GCNT1: variants seen among roughly 807,000 people sequenced by gnomAD.
The protein encoded by GCNT1 is beta-1,3-galactosyl-O-glycosyl-glycoprotein beta-1,6-N-acetylglucosaminyltransferase.
GCNT1 carries 16 observed loss-of-function variants against 26.2 expected under a neutral mutation model. That is an observed-to-expected ratio of 0.61 (90% CI 0.41 to 0.93). The LOEUF is 0.93. Among genes scored for constraint, GCNT1 ranks in the 40% least tolerant of loss-of-function variants. The pLI is 0.00. For synonymous variants in GCNT1, 183 were observed against 190.8 expected (o/e 0.96, Z 0.34); for missense variants, 477 against 526.7 (o/e 0.91, Z 0.92).
chr9:76,461,992 C>T (rs930950741), intron 2 of GCNT1, among the ~76,000 whole-genome samples: 1 of 152,196 alleles, frequency 6.6e-6, no homozygotes, highest in African/African-American at 2.4e-5. Context: ...ATTATATTCT[C>T]CGATGAATGG....
intron 2 of GCNT1, among the ~76,000 whole-genome samples, chr9:76,491,097 CTT>C (rs1284044821): frequency 1.3e-5 from 2 of 152,172 alleles, no homozygotes; most frequent in African/African-American, 4.8e-5. Context: ...TTCCATCTCT[CTT>C]TCTTTCTCTT....
intron 2 of GCNT1, among the ~76,000 whole-genome samples, chr9:76,466,147 T>C (rs541046412): frequency 5.3e-5 from 8 of 152,222 alleles, no homozygotes; most frequent in African/African-American, 1.9e-4. Flanking sequence ...CCCGTAGAGT[T>C]TGATCACTGT....
At chr9:76,461,514 C>T (rs1340085578) in intron 2 of GCNT1, among the ~76,000 whole-genome samples, 2 of 151,228 alleles carry the variant, frequency 1.3e-5, no homozygotes, top group Non-Finnish European at 2.9e-5. Flanking sequence ...ACCCGGGAGG[C>T]GGAGGTTGCA....
At chr9:76,456,888 C>T (rs1823765868), upstream of GCNT1, among the ~76,000 whole-genome samples, 1 of 152,166 alleles carries the variant, frequency 6.6e-6, no homozygotes, top group Non-Finnish European at 1.5e-5. Flanking sequence ...GTGAGAGAAT[C>T]ACCTGAGCAG....
At chr9:76,447,350 C>T (rs1329530323) in intron 1 of GCNT1, among the ~76,000 whole-genome samples, 1 of 151,838 alleles carries the variant, frequency 6.6e-6, no homozygotes, top group East Asian at 2.0e-4. Flanking sequence ...GGCAATCCTT[C>T]CACTTTAGCC....
chr9:76,445,936 A>G (rs1016002249), intron 1 of GCNT1, among the ~76,000 whole-genome samples: 7 of 152,056 alleles, frequency 4.6e-5, no homozygotes, highest in Admixed American at 1.3e-4. Context: ...GCTGTGGTCA[A>G]TTACACCACT....
chr9:76,443,894 AAAGAAAGG>A (rs1195027651), intron 1 of GCNT1, among the ~76,000 whole-genome samples: 4,922 of 126,328 alleles, frequency 0.039, 208 homozygotes, highest in African/African-American at 0.048. Context: ...AGAAAGAAAG[AAAGAAAGG>A]AAGAAAGGAA....
At chr9:76,421,674 ATTTG>A (rs1166896311) in intron 1 of GCNT1, among the ~76,000 whole-genome samples, 2 of 133,862 alleles carry the variant, frequency 1.5e-5, no homozygotes, top group Admixed American at 7.7e-5. Context: ...TGGCAACTCA[ATTTG>A]TTTGTAGGTT....
chr9:76,494,408 C>T (rs1824845733), intron 2 of GCNT1, among the ~76,000 whole-genome samples: 2 of 152,140 alleles, frequency 1.3e-5, no homozygotes, highest in African/African-American at 4.8e-5. Context: ...GAGGGCCATA[C>T]CCTGAGGGAG....
intron 1 of GCNT1, among the ~76,000 whole-genome samples, chr9:76,425,519 G>A (rs1030285322): frequency 1.3e-5 from 2 of 151,952 alleles, no homozygotes; most frequent in African/African-American, 4.8e-5. Context: ...CACTGCACCC[G>A]GCCTTAATTT....
chr9:76,394,430 G>A, the GCNT1 span: 6 of 414,662 alleles, frequency 1.4e-5, no homozygotes, highest in Admixed American at 4.7e-5. Flanking sequence ...AGTAAGTGCC[G>A]GGTGTGAGCG....
At chr9:76,486,178 A>G (rs1824569732) in intron 2 of GCNT1, among the ~76,000 whole-genome samples, 1 of 152,214 alleles carries the variant, frequency 6.6e-6, no homozygotes, top group Admixed American at 6.5e-5. Flanking sequence ...TTATCTGGAA[A>G]ATAATACTTT....
the GCNT1 span, among the ~76,000 whole-genome samples, chr9:76,400,420 C>A: frequency 6.6e-6 from 1 of 152,158 alleles, no homozygotes; most frequent in Admixed American, 6.5e-5. Flanking sequence ...ATTCTCCCAG[C>A]CTTAGATTTG....
chr9:76,412,411 A>G, the GCNT1 span, among the ~76,000 whole-genome samples: 1 of 152,098 alleles, frequency 6.6e-6, no homozygotes, highest in Non-Finnish European at 1.5e-5. Flanking sequence ...TTTTTCTTCT[A>G]TGTGAAGAAT....
At chr9:76,470,599 GT>G (rs1261557611) in intron 2 of GCNT1, among the ~76,000 whole-genome samples, 2 of 79,008 alleles carry the variant, frequency 2.5e-5, no homozygotes, top group East Asian at 3.0e-4. Flanking sequence ...GCAAGACCCT[GT>G]CCCAAAAAAA....
At chr9:76,396,835 TC>T in the GCNT1 span, among the ~76,000 whole-genome samples, 1 of 152,156 alleles carries the variant, frequency 6.6e-6, no homozygotes, top group African/African-American at 2.4e-5. Flanking sequence ...CGAGACTCTG[TC>T]TCAGCCAGGT....
At chr9:76,421,689 G>GTTTT (rs1182829928) in intron 1 of GCNT1, among the ~76,000 whole-genome samples, 52 of 74,752 alleles carry the variant, frequency 7.0e-4, no homozygotes, top group East Asian at 1.3e-3. Context: ...TTTGTAGGTT[G>GTTTT]TTTTTTTTTT....
chr9:76,403,851 C>T, the GCNT1 span, among the ~76,000 whole-genome samples: 1 of 152,168 alleles, frequency 6.6e-6, no homozygotes, highest in Non-Finnish European at 1.5e-5. Flanking sequence ...AGAATTCAGA[C>T]TTCTTTCCCA....
At chr9:76,406,833 G>A in the GCNT1 span, among the ~76,000 whole-genome samples, 2 of 152,128 alleles carry the variant, frequency 1.3e-5, no homozygotes, top group South Asian at 4.1e-4. Context: ...TTGAAGCCAG[G>A]AGTTAGAGAC....
Sources: gnomAD v4.1 joint callset for allele counts (sites outside exome capture counted in the v4.1 genomes callset) on GRCh38, gnomAD v4.1.1 for gene constraint, MANE v1.5 for transcripts, NCBI Gene and HGNC (gene_info 2026-07-23, HGNC 2026-07-21) for gene names.